Variants in PAX2 observed in about 807,000 individuals in gnomAD.
PAX2 encodes the protein paired box protein Pax-2.
In PAX2, 9 loss-of-function variants were observed where a neutral mutation model predicts 41.7. The observed-to-expected ratio is 0.22, with a 90% CI of 0.13 to 0.38. The LOEUF is 0.38. Among genes scored for constraint, PAX2 ranks in the 10% least tolerant of loss-of-function variants. PAX2 has a pLI of 1.00. For synonymous variants in PAX2, 221 were observed against 212.7 expected, an observed-to-expected ratio of 1.04 and a Z score of -0.34; for missense variants, 418 against 531.6, an observed-to-expected ratio of 0.79 and a Z score of 2.10.
intron 7 of PAX2, among the ~76,000 whole-genome samples, chr10:100,822,986 G>A (rs1848420662): frequency 6.6e-6 from 1 of 152,198 alleles, no homozygotes; most frequent in Non-Finnish European, 1.5e-5. Context: ...AGGACAGACA[G>A]GAGGGGAAGA....
At chr10:100,756,223 T>A (rs922430100) in intron 3 of PAX2, among the ~76,000 whole-genome samples, 3 of 152,040 alleles carry the variant, frequency 2.0e-5, no homozygotes, top group African/African-American at 4.8e-5. Context: ...TGAGCCCACA[T>A]GGGATAGGGG....
intron 1 of PAX2, among the ~76,000 whole-genome samples, chr10:100,737,132 A>C (rs1564699440): frequency 6.6e-6 from 1 of 151,874 alleles, no homozygotes; most frequent in African/African-American, 2.4e-5. Flanking sequence ...TGAGACTCCA[A>C]CTTTTCCATT....
At chr10:100,774,914 G>A (rs1846330238) in intron 3 of PAX2, among the ~76,000 whole-genome samples, 1 of 152,230 alleles carries the variant, frequency 6.6e-6, no homozygotes, top group African/African-American at 2.4e-5. Context: ...TAAGTGCCTG[G>A]AAGTCCCCAT....
chr10:100,752,077 T>G (rs893771610), intron 3 of PAX2, among the ~76,000 whole-genome samples: 1 of 152,176 alleles, frequency 6.6e-6, no homozygotes, highest in African/African-American at 2.4e-5. Context: ...AAACAGCAGG[T>G]AAAATTAGCT....
rs1323711653 is a variant in PAX2, at chr10:100,829,035, C to G, written c.*1416C>G. The G allele has an allele frequency of 4.4e-6, 1 of 225,554 alleles. No individual in the cohort carries two copies. The highest frequency in any genetic ancestry group is 2.2e-5 in the African/African-American group (1 of 44,654). The allele number at this position is 225,554 out of a possible 1,614,324, so 14.0% of individuals were successfully genotyped here. ...CTCGCTGGGGGGGAAGGGGGGGACA[C>G]AGCTACACGCCCATTAAAGCACAGC... is the stretch of plus-strand genomic sequence containing the variant. On this transcript the variant is annotated 3_prime_UTR_variant, in exon 10 of 10. Coordinates refer to ENST00000355243, the MANE Select transcript of PAX2 (RefSeq NM_000278.5).
intron 5 of PAX2, among the ~76,000 whole-genome samples, chr10:100,804,724 T>C (rs1847697957): frequency 6.6e-6 from 1 of 152,178 alleles, no homozygotes; most frequent in East Asian, 1.9e-4. Context: ...TTTATATATG[T>C]ACAAGCGCGT....
At chr10:100,787,859 G>A (rs1024617090) in intron 5 of PAX2, among the ~76,000 whole-genome samples, 1 of 151,978 alleles carries the variant, frequency 6.6e-6, no homozygotes, top group African/African-American at 2.4e-5. Flanking sequence ...AGCCAGGAGG[G>A]TGGAAGAAGG....
chr10:100,769,673 A>ATAAAATAAAAT (rs1554858838), intron 3 of PAX2, among the ~76,000 whole-genome samples: 1 of 127,722 alleles, frequency 7.8e-6, no homozygotes, highest in African/African-American at 3.1e-5. Flanking sequence ...ATAAAATAAA[A>ATAAAATAAAAT]AAATAAAAAA....
intron 1 of PAX2, chr10:100,749,313 C>G (rs1460036844): frequency 3.0e-6 from 3 of 1,004,532 alleles, no homozygotes; most frequent in East Asian, 1.0e-4. Flanking sequence ...AAGCCCCGCA[C>G]GCGCGGACAG....
At chr10:100,749,091 C>A in intron 1 of PAX2, 1 of 985,470 alleles carries the variant, frequency 1.0e-6, no homozygotes, top group Non-Finnish European at 1.2e-6. Context: ...GAGATACGGT[C>A]CCCCTACAGA....
In PAX2 at chr10:100,748,837, C is replaced by A. The variant is rs1845316344; in HGVS notation, c.44-909C>A. 1 of 985,202 alleles carries A rather than the reference C, an allele frequency of 1.0e-6. No individual in the cohort carries two copies. Among genetic ancestry groups the A allele is most frequent in the African/African-American group, 1.8e-5 (1 of 57,110 alleles). The allele number at this position is 985,202 out of a possible 1,614,324, so 61.0% of individuals were successfully genotyped here. A position where few individuals can be genotyped will look rare whatever the true frequency, so the allele number is the denominator to read the frequency against. On this transcript the variant is annotated intron_variant, in intron 1 of 9. Transcript: ENST00000355243. This position sits in a 1 kb window ranked among gnomAD's most constrained non-coding sequence, Gnocchi z 5.0. The stretch of plus-strand genomic sequence containing the variant: ...AAAGGGACTCGAGTCGGGTTTGGGT[C>A]GGCTACACAGGGCGCCCCGAGAGTT...
chr10:100,807,339 G>C (rs1847827348), intron 6 of PAX2, among the ~76,000 whole-genome samples: 1 of 150,996 alleles, frequency 6.6e-6, no homozygotes, highest in African/African-American at 2.4e-5. Context: ...CTGTCCACCT[G>C]CTCCCCCACC....
At chr10:100,764,136 A>ATTTTTT (rs145391942) in intron 3 of PAX2, among the ~76,000 whole-genome samples, 6 of 103,756 alleles carry the variant, frequency 5.8e-5, no homozygotes, top group South Asian at 3.3e-4. Context: ...CAAACATTGA[A>ATTTTTT]TTTTTTTTTT....
intron 3 of PAX2, among the ~76,000 whole-genome samples, chr10:100,762,293 G>C (rs1268059002): frequency 6.6e-6 from 1 of 152,084 alleles, no homozygotes; most frequent in Admixed American, 6.6e-5. Flanking sequence ...TGTCCACACC[G>C]GGGTTTCACT....
At chr10:100,755,302 G>C (rs1301561942) in intron 3 of PAX2, among the ~76,000 whole-genome samples, 1 of 152,200 alleles carries the variant, frequency 6.6e-6, no homozygotes, top group Non-Finnish European at 1.5e-5. Context: ...CTACAAAAGG[G>C]GTTTCTGGTG....
At chr10:100,744,608 G>A (rs1845081910), upstream of PAX2, among the ~76,000 whole-genome samples, 1 of 152,186 alleles carries the variant, frequency 6.6e-6, no homozygotes, top group African/African-American at 2.4e-5. Flanking sequence ...AGCCGCGTCC[G>A]CAGCCTCCTC....
chr10:100,825,245 A>G (rs1848508328), intron 8 of PAX2, among the ~76,000 whole-genome samples: 1 of 152,178 alleles, frequency 6.6e-6, no homozygotes, highest in Non-Finnish European at 1.5e-5. Context: ...ACCCAGAGAC[A>G]GTAGGGAGCT....
chr10:100,749,469 T>A lies in PAX2; in HGVS notation c.44-277T>A. 6.2e-6 allele frequency: 8 copies of A among 1,281,864 alleles called. No homozygotes were observed. The South Asian group carries it at 2.3e-4, about 36-fold the overall frequency. 79.4% of individuals were successfully genotyped at this position (1,281,864 alleles called of 1,614,324 possible). On this transcript the variant is annotated intron_variant, in intron 1 of 9. Transcript: ENST00000355243. The stretch of plus-strand genomic sequence containing the variant: ...TTTCTCCCCTCTCCCCTCTTTTCTG[T>A]CATCTGGTTTCTCTCCAGTCCCCCC...
chr10:100,825,007 C>T lies in PAX2; in HGVS notation c.1021+258C>T, dbSNP rs764474996. On this transcript the variant is annotated intron_variant, in intron 8 of 9. Transcript: ENST00000355243. ...ACTGTATGTCATGGCCCCTCCACAG[C>T]GCCCACCCACCCAAGTCTGTGCCCG... The T allele has an allele frequency of 1.5e-4, 245 of 1,587,764 alleles. 1 individual carries two copies. Among genetic ancestry groups the T allele is most frequent in the Non-Finnish European group, 2.0e-4 (230 of 1,156,124 alleles).
Sources: gnomAD v4.1 joint callset for allele counts (sites outside exome capture counted in the v4.1 genomes callset) on GRCh38, gnomAD v4.1.1 for gene constraint, Gnocchi (gnomAD v3.1) non-coding constraint, MANE v1.5 for transcripts, NCBI Gene and HGNC (gene_info 2026-07-23, HGNC 2026-07-21) for gene names.